Variants in CSTPP1 observed in about 807,000 individuals in gnomAD.
The protein encoded by CSTPP1 is centriolar satellite-associated tubulin polyglutamylase complex regulator 1.
chr11:47,036,145 A>T, the CSTPP1 span, among the ~76,000 whole-genome samples: 1 of 55,202 alleles, frequency 1.8e-5, no homozygotes, highest in African/African-American at 6.3e-5. Flanking sequence ...TATAATATAT[A>T]ATATATTATA....
At chr11:47,098,203 A>T in the CSTPP1 span, among the ~76,000 whole-genome samples, 2 of 134,840 alleles carry the variant, frequency 1.5e-5, no homozygotes, top group Non-Finnish European at 3.2e-5. Context: ...TAGGAAAACC[A>T]GAGACCTTTG....
chr11:47,052,314 G>A, the CSTPP1 span: 7 of 1,528,988 alleles, frequency 4.6e-6, no homozygotes, highest in Non-Finnish European at 6.1e-6. Flanking sequence ...GTTCTCTCTG[G>A]TCTCAATTTT....
chr11:47,162,063 G>C, the CSTPP1 span: 1 of 989,460 alleles, frequency 1.0e-6, no homozygotes, highest in Non-Finnish European at 1.2e-6. Flanking sequence ...GGTGACACCT[G>C]CGACGCAAGT....
the CSTPP1 span, among the ~76,000 whole-genome samples, chr11:47,038,466 A>C: frequency 2.0e-5 from 2 of 97,644 alleles, no homozygotes; most frequent in African/African-American, 3.1e-5. Context: ...TGACCCCCCC[A>C]CCTCCCTCCC....
chr11:46,987,509 A>T, the CSTPP1 span: 1 of 545,382 alleles, frequency 1.8e-6, no homozygotes, highest in Non-Finnish European at 3.3e-6. Context: ...GTGATGTCTC[A>T]TGAATAGTTT....
At chr11:47,138,979 CAAAAAAAAAAAAAAAAA>C in the CSTPP1 span, among the ~76,000 whole-genome samples, 15 of 40,898 alleles carry the variant, frequency 3.7e-4, no homozygotes, top group Middle Eastern at 0.029. Flanking sequence ...GACTCCGTCT[CAAAAAAAAAAAAAAAAA>C]AAAAAAAAAA....
At chr11:46,956,150 A>C in the CSTPP1 span, among the ~76,000 whole-genome samples, 1 of 152,070 alleles carries the variant, frequency 6.6e-6, no homozygotes, top group African/African-American at 2.4e-5. Context: ...TGGGTGTGTA[A>C]GTTTTCTTTT....
At chr11:47,043,440 G>A in the CSTPP1 span, among the ~76,000 whole-genome samples, 17 of 152,084 alleles carry the variant, frequency 1.1e-4, no homozygotes, top group African/African-American at 4.1e-4. Flanking sequence ...GGTCTTAGTG[G>A]TCCAACCTCC....
At chr11:46,956,396 C>T in the CSTPP1 span, among the ~76,000 whole-genome samples, 1 of 152,152 alleles carries the variant, frequency 6.6e-6, no homozygotes, top group African/African-American at 2.4e-5. Flanking sequence ...AACAAAACCC[C>T]CAAAGAACAC....
At chr11:47,127,819 G>A in the CSTPP1 span, among the ~76,000 whole-genome samples, 2 of 151,916 alleles carry the variant, frequency 1.3e-5, no homozygotes, top group African/African-American at 2.4e-5. Flanking sequence ...TGGCTAGTTA[G>A]CAGAAGAACC....
At chr11:47,100,415 C>CT in the CSTPP1 span, among the ~76,000 whole-genome samples, 1,105 of 152,318 alleles carry the variant, frequency 7.3e-3, 13 homozygotes, top group Admixed American at 0.012. Flanking sequence ...CAGCCTACAT[C>CT]TGTCTCTTCA....
the CSTPP1 span, among the ~76,000 whole-genome samples, chr11:46,963,886 A>G: frequency 6.6e-6 from 1 of 152,076 alleles, no homozygotes; most frequent in Non-Finnish European, 1.5e-5. Flanking sequence ...TAGCTAGACC[A>G]TAGTTTAAGA....
chr11:47,073,452 G>T, the CSTPP1 span, among the ~76,000 whole-genome samples: 2 of 152,162 alleles, frequency 1.3e-5, no homozygotes, highest in African/African-American at 2.4e-5. Flanking sequence ...CGAGCACTTT[G>T]GGGGGCCAGG....
chr11:47,134,213 G>A, the CSTPP1 span, among the ~76,000 whole-genome samples: 2 of 151,556 alleles, frequency 1.3e-5, no homozygotes, highest in African/African-American at 4.9e-5. Context: ...ATTTTTTTGA[G>A]GGGGGAAGGA....
chr11:47,022,623 G>T, the CSTPP1 span, among the ~76,000 whole-genome samples: 229 of 151,992 alleles, frequency 1.5e-3, no homozygotes, highest in African/African-American at 5.3e-3. Context: ...GCCTGCCTTG[G>T]CCTCCCAAAG....
At chr11:47,149,754 C>T in the CSTPP1 span, among the ~76,000 whole-genome samples, 29 of 152,200 alleles carry the variant, frequency 1.9e-4, no homozygotes, top group African/African-American at 6.7e-4. Context: ...AGCCATAGAC[C>T]TCTGAACATC....
the CSTPP1 span, among the ~76,000 whole-genome samples, chr11:47,072,138 G>C: frequency 6.6e-6 from 1 of 152,142 alleles, no homozygotes; most frequent in African/African-American, 2.4e-5. Context: ...TTGTTCTCTG[G>C]CTTTGGTGCA....
chr11:46,971,518 G>T, the CSTPP1 span, among the ~76,000 whole-genome samples: 1 of 152,084 alleles, frequency 6.6e-6, no homozygotes, highest in Admixed American at 6.5e-5. Context: ...ACTCAAAAGA[G>T]AAAAGAAATT....
the CSTPP1 span, among the ~76,000 whole-genome samples, chr11:46,968,951 T>C: frequency 6.6e-5 from 10 of 152,164 alleles, no homozygotes; most frequent in African/African-American, 2.4e-4. Flanking sequence ...TGTCTTCATT[T>C]ACAACCAAGA....
Sources: gnomAD v4.1 joint callset for allele counts (sites outside exome capture counted in the v4.1 genomes callset) on GRCh38, gnomAD v4.1.1 for gene constraint, MANE v1.5 for transcripts, NCBI Gene and HGNC (gene_info 2026-07-23, HGNC 2026-07-21) for gene names.